Variants in PLCXD2 observed in about 807,000 individuals in gnomAD.
The protein encoded by PLCXD2 is phosphatidylinositol specific phospholipase C X domain containing 2, also known as PI-PLC X domain-containing protein 2.
Under a neutral mutation model 28.6 loss-of-function variants are expected in PLCXD2, and 21 were observed. The observed-to-expected ratio is 0.73, with a 90% CI of 0.52 to 1.06. PLCXD2 has a LOEUF of 1.06. PLCXD2 is among the 50% of genes least tolerant of loss of function. The pLI is 0.00. For synonymous variants in PLCXD2, 140 were observed against 150.1 expected (o/e 0.93, Z 0.49); for missense variants, 369 against 376.7 (o/e 0.98, Z 0.17).
rs1183359017 is a variant in PLCXD2 at position 111,693,365 on chromosome 3, C to G, written c.164-14561C>G. Among the ~76,000 whole-genome samples, 3 of 152,172 alleles carry G rather than the reference C, an allele frequency of 2.0e-5. No homozygotes were observed. The East Asian group carries it at 5.8e-4, about 29-fold the overall frequency. On this transcript the variant is annotated intron_variant, in intron 1 of 4. Transcript: ENST00000477665. ...AGGAGCAGAGTCGGAACCTCTGAGC[C>G]TCCGCAGTGACGACCTGCTGCATTC...
At chr3:111,707,802 T>A (rs979474258) in intron 1 of PLCXD2, 124 bp from the exon 2 acceptor site, 2 of 875,006 alleles carry the variant, frequency 2.3e-6, no homozygotes, top group Non-Finnish European at 3.4e-6. Context: ...TTGCTACTAT[T>A]CATTTGCAGT....
At position 111,708,214 on chromosome 3, in the gene PLCXD2, C is replaced by A; in HGVS notation, c.452C>A (p.Thr151Lys). 6.2e-7 allele frequency: 1 copy of A among 1,614,204 alleles called. No homozygotes were observed. The highest frequency in any genetic ancestry group is 8.5e-7 in the Non-Finnish European group (1 of 1,180,034). ...CTGATGGAAATTGACTCGTTTCTTA[C>A]ACAGCACCCCCAGGAGATTATCTTC... The change falls in exon 2 of 5, where the codon ACA becomes AAA. Residue 151 changes from threonine (T) to lysine (K), a missense_variant. Coordinates refer to ENST00000477665, the MANE Select transcript of PLCXD2 (RefSeq NM_001185106.1).
intron 1 of PLCXD2, among the ~76,000 whole-genome samples, chr3:111,696,950 G>T (rs1940969632): frequency 6.6e-6 from 1 of 151,836 alleles, no homozygotes; most frequent in South Asian, 2.1e-4. Context: ...ATGAAAGGTG[G>T]GCTTTTTTTC....
At chr3:111,687,684 C>CTTTT (rs5851776) in intron 1 of PLCXD2, among the ~76,000 whole-genome samples, 10 of 137,346 alleles carry the variant, frequency 7.3e-5, no homozygotes, top group Non-Finnish European at 8.0e-5. Context: ...TTCTTTCTTT[C>CTTTT]TTTTTTTTTT....
intron 3 of PLCXD2, chr3:111,725,027 GA>G (rs1258814374): frequency 6.6e-6 from 1 of 152,236 alleles, no homozygotes; most frequent in African/African-American, 2.4e-5. Flanking sequence ...GGCTTGGGTG[GA>G]AAAGCTGCTT....
Position 111,695,084 on chromosome 3 carries a change from TAA to T in PLCXD2, c.164-12841_164-12840del, listed in dbSNP as rs1396894136. On this transcript the variant is annotated intron_variant, in intron 1 of 4. Transcript: ENST00000477665. Reference sequence around the variant, plus strand: ...AAAATGTTGAATTTCTTAAAAATCATAAGTCATTAAAATCCAAGCACTTTTAG... The same window carrying T: ...AAAATGTTGAATTTCTTAAAAATCATGTCATTAAAATCCAAGCACTTTTAG... Among the ~76,000 whole-genome samples, 9 of 147,534 alleles carry T rather than the reference TAA, an allele frequency of 6.1e-5. No individual in the cohort carries two copies. In the East Asian group the frequency reaches 1.8e-3, roughly 29 times the overall value.
intron 1 of PLCXD2, among the ~76,000 whole-genome samples, chr3:111,686,619 C>G (rs1033264960): frequency 6.6e-6 from 1 of 152,112 alleles, no homozygotes; most frequent in African/African-American, 2.4e-5. Flanking sequence ...ATTTTGTATA[C>G]CCTAAAGATG....
intron 1 of PLCXD2, among the ~76,000 whole-genome samples, chr3:111,690,614 G>C (rs1940861766): frequency 6.6e-6 from 1 of 152,174 alleles, no homozygotes; most frequent in Admixed American, 6.5e-5. Context: ...TCCCCGTTGG[G>C]TGTAATGTAC....
intron 1 of PLCXD2, among the ~76,000 whole-genome samples, chr3:111,704,812 G>T (rs1272950528): frequency 7.0e-6 from 1 of 142,648 alleles, no homozygotes; most frequent in Non-Finnish European, 1.5e-5. Context: ...CTCCTATCTA[G>T]CATAATTTTT....
chr3:111,707,533 G>A (rs1941138027), intron 1 of PLCXD2, among the ~76,000 whole-genome samples: 1 of 152,100 alleles, frequency 6.6e-6, no homozygotes, highest in African/African-American at 2.4e-5. Context: ...ATATTCTTTG[G>A]CAGACATCTT....
chr3:111,696,697 A>G (rs1275007980), intron 1 of PLCXD2, among the ~76,000 whole-genome samples: 2 of 152,224 alleles, frequency 1.3e-5, no homozygotes, highest in Non-Finnish European at 2.9e-5. Flanking sequence ...TATTCGTTAT[A>G]GAAAATACAT....
At chr3:111,685,778 TAGA>T (rs1940785815) in intron 1 of PLCXD2, among the ~76,000 whole-genome samples, 1 of 152,228 alleles carries the variant, frequency 6.6e-6, no homozygotes, top group Non-Finnish European at 1.5e-5. Flanking sequence ...GGTAGCAGAA[TAGA>T]AGAATTTCTT....
At chr3:111,716,360 A>T (rs530376419) in intron 3 of PLCXD2, among the ~76,000 whole-genome samples, 2 of 152,326 alleles carry the variant, frequency 1.3e-5, no homozygotes, top group Admixed American at 1.3e-4. Context: ...CCAAGAAAAA[A>T]AAGACAGGGT....
At chr3:111,687,684 CTTTT>C (rs5851776) in intron 1 of PLCXD2, among the ~76,000 whole-genome samples, 12 of 137,316 alleles carry the variant, frequency 8.7e-5, no homozygotes, top group African/African-American at 2.6e-4. Flanking sequence ...TTCTTTCTTT[CTTTT>C]TTTTTTTTTT....
chr3:111,682,447 G>T (rs1200222776), intron 1 of PLCXD2, among the ~76,000 whole-genome samples: 3 of 152,276 alleles, frequency 2.0e-5, no homozygotes, highest in Admixed American at 1.3e-4. Context: ...AGAACTGTCA[G>T]CTGTAAAGTA....
intron 1 of PLCXD2, among the ~76,000 whole-genome samples, chr3:111,698,876 C>T (rs1213874800): frequency 6.6e-6 from 1 of 152,198 alleles, no homozygotes; most frequent in Non-Finnish European, 1.5e-5. Context: ...CCCTCCTCCC[C>T]TGTGAAATTA....
At chr3:111,679,027 A>G (rs568372671) in intron 1 of PLCXD2, among the ~76,000 whole-genome samples, 143 of 152,300 alleles carry the variant, frequency 9.4e-4, no homozygotes, top group Non-Finnish European at 9.8e-4. Flanking sequence ...AGAAACCTCC[A>G]TAGAGATATT....
At position 111,695,613 on chromosome 3, in the gene PLCXD2, C is replaced by A. The variant is rs114595485; in HGVS notation, c.164-12313C>A. 7.0e-3 allele frequency among the ~76,000 whole-genome samples: 1,059 copies of A among 152,322 alleles called. 13 individuals carry two copies. The highest frequency in any genetic ancestry group is 0.025 in the African/African-American group (1,026 of 41,576). On this transcript the variant is annotated intron_variant, in intron 1 of 4. Transcript: ENST00000477665. ...GTATTTTCAGTTTGTAGAAAACATACAGAAAAACTTCTGAAAACATTACTG... is the reference window on the plus strand; with the variant it reads ...GTATTTTCAGTTTGTAGAAAACATAAAGAAAAACTTCTGAAAACATTACTG...
chr3:111,680,678 A>G (rs1940700524), intron 1 of PLCXD2, among the ~76,000 whole-genome samples: 1 of 152,204 alleles, frequency 6.6e-6, no homozygotes, highest in Non-Finnish European at 1.5e-5. Context: ...GAATTCCAGA[A>G]TCACACATGT....
Sources: allele counts gnomAD v4.1 joint callset (sites outside exome capture counted in the v4.1 genomes callset), GRCh38; gene constraint gnomAD v4.1.1; transcripts MANE v1.5; gene names NCBI Gene and HGNC (gene_info 2026-07-23, HGNC 2026-07-21).